The following ARNT2 variants were observed in gnomAD, a reference collection of about 807,000 sequenced individuals.
The protein encoded by ARNT2 is ARNT protein 2.
In ARNT2, 36 loss-of-function variants were observed where a neutral mutation model predicts 91.7. That is an observed-to-expected ratio of 0.39 (90% CI 0.30 to 0.52). The LOEUF (loss-of-function observed/expected upper bound fraction) is 0.52. Ranked by LOEUF, ARNT2 falls within the 20% of genes least tolerant of loss-of-function variation. The pLI is 0.72. For missense variants in ARNT2, 775 were observed against 939.3 expected, an observed-to-expected ratio of 0.83 and a Z score of 2.29; for synonymous variants, 365 against 347.1, an observed-to-expected ratio of 1.05 and a Z score of -0.57.
chr15:80,506,306 T>C (rs1897275757), intron 5 of ARNT2, among the ~76,000 whole-genome samples: 1 of 152,238 alleles, frequency 6.6e-6, no homozygotes, highest in Admixed American at 6.5e-5. Flanking sequence ...CAGGCACCAC[T>C]GCACTGTGGT....
chr15:80,592,968 A>C (rs1459780582), intron 18 of ARNT2, among the ~76,000 whole-genome samples: 1 of 152,218 alleles, frequency 6.6e-6, no homozygotes, highest in Non-Finnish European at 1.5e-5. Context: ...CTTGTTTCCC[A>C]AACTTATTTG....
At chr15:80,579,119 C>G (rs1420916010) in intron 15 of ARNT2, among the ~76,000 whole-genome samples, 1 of 152,230 alleles carries the variant, frequency 6.6e-6, no homozygotes, top group Non-Finnish European at 1.5e-5. Context: ...GAAGCCCATC[C>G]CTTTCTGCCA....
chr15:80,592,250 G>A (rs1208043441), intron 18 of ARNT2, among the ~76,000 whole-genome samples: 1 of 152,200 alleles, frequency 6.6e-6, no homozygotes, highest in African/African-American at 2.4e-5. Flanking sequence ...ACCATCCCTC[G>A]TGTCTAAGGC....
At chr15:80,461,467 A>C (rs1896551645) in intron 3 of ARNT2, among the ~76,000 whole-genome samples, 1 of 152,238 alleles carries the variant, frequency 6.6e-6, no homozygotes, top group African/African-American at 2.4e-5. Flanking sequence ...ATGCGGTCAA[A>C]GAATAGTTCT....
chr15:80,563,174 C>A lies in ARNT2; in HGVS notation c.1251C>A (p.Ser417Arg). The stretch of plus-strand genomic sequence containing the variant: ...AGTGGATGTTGATCCGCACCAGCAG[C>A]TTCACATTCCAGAATCCCTATTCTG... Reference protein sequence around the residue: ...NREWMLIRTSSFTFQNPYSDE... With the variant: ...NREWMLIRTSRFTFQNPYSDE... The change falls in exon 12 of 19, where the codon AGC becomes AGA. Residue 417 changes from serine (S) to arginine (R), a missense_variant. This residue lies in a region of ARNT2 where 285 missense variants were observed against 327.2 expected (regional missense o/e 0.87). Coordinates refer to ENST00000303329, the MANE Select transcript of ARNT2 (RefSeq NM_014862.4). The A allele has an allele frequency of 6.2e-7, 1 of 1,614,226 alleles. No individual in the cohort carries two copies.
At chr15:80,590,686 G>C (rs996549650) in intron 17 of ARNT2, among the ~76,000 whole-genome samples, 1 of 152,242 alleles carries the variant, frequency 6.6e-6, no homozygotes, top group African/African-American at 2.4e-5. Flanking sequence ...AGGCTGAAGT[G>C]AGCCATGATT....
intron 8 of ARNT2, 90 bp from the exon 9 acceptor site, chr15:80,551,109 T>G (rs1017301541): frequency 8.3e-6 from 11 of 1,323,036 alleles, no homozygotes; most frequent in Admixed American, 1.8e-5. Flanking sequence ...TCACTGTATT[T>G]TCGATTGCTT....
At chr15:80,461,043 G>T (rs1896544946) in intron 3 of ARNT2, among the ~76,000 whole-genome samples, 1 of 152,172 alleles carries the variant, frequency 6.6e-6, no homozygotes, top group Admixed American at 6.5e-5. Flanking sequence ...GGTAGGAAAT[G>T]GGGCTGTGTG....
intron 5 of ARNT2, among the ~76,000 whole-genome samples, chr15:80,478,750 C>T (rs1411454885): frequency 1.3e-5 from 2 of 152,224 alleles, no homozygotes; most frequent in Non-Finnish European, 2.9e-5. Flanking sequence ...GCTACTCAGA[C>T]AGGCCTTAGG....
chr15:80,448,870 A>G (rs901922553), intron 1 of ARNT2, among the ~76,000 whole-genome samples: 1 of 152,206 alleles, frequency 6.6e-6, no homozygotes, highest in Non-Finnish European at 1.5e-5. Flanking sequence ...CTGTAGTCCC[A>G]GCTACTCGGG....
At chr15:80,409,074 A>G (rs1895646176) in intron 1 of ARNT2, among the ~76,000 whole-genome samples, 1 of 152,204 alleles carries the variant, frequency 6.6e-6, no homozygotes, top group African/African-American at 2.4e-5. Flanking sequence ...ACAATGACAC[A>G]TCATTATCAC....
intron 6 of ARNT2, 72 bp from the exon 7 acceptor site, chr15:80,513,839 T>G: frequency 7.6e-7 from 1 of 1,311,880 alleles, no homozygotes; most frequent in Non-Finnish European, 1.1e-6. Context: ...CTCATCTACT[T>G]GATGGCAGCA....
intron 8 of ARNT2, among the ~76,000 whole-genome samples, chr15:80,549,350 G>A (rs1026184152): frequency 6.6e-6 from 1 of 151,860 alleles, no homozygotes; most frequent in Admixed American, 6.6e-5. Flanking sequence ...AGACTCCAGA[G>A]GTAAAAAAAG....
intron 5 of ARNT2, among the ~76,000 whole-genome samples, chr15:80,500,320 A>G (rs1358426196): frequency 6.6e-6 from 1 of 152,186 alleles, no homozygotes; most frequent in Admixed American, 6.5e-5. Context: ...TTGGAACCAC[A>G]TCAAATATTG....
At position 80,575,128 on chromosome 15, in the gene ARNT2, A is replaced by C. The variant is rs779284163; in HGVS notation, c.1513+18A>C. ...TAGTGCATGTAAGTTTCCAAATGGT[A>C]CTGAGGTTTTGAGAGTGTGGGTTTA... On this transcript the variant is annotated intron_variant, in intron 14 of 18. Coordinates refer to ENST00000303329, the MANE Select transcript of ARNT2 (RefSeq NM_014862.4). The C allele has an allele frequency of 1.2e-6, 2 of 1,612,628 alleles. No individual in the cohort carries two copies. The highest frequency in any genetic ancestry group is 2.7e-5 in the African/African-American group (2 of 74,892).
chr15:80,417,807 C>T (rs1384748182), intron 1 of ARNT2, among the ~76,000 whole-genome samples: 1 of 152,186 alleles, frequency 6.6e-6, no homozygotes, highest in East Asian at 1.9e-4. Context: ...GAGGTGGCTC[C>T]TCCGTTGGGT....
rs928931573 is a variant in ARNT2 at position 80,552,848 on chromosome 15, G to A, written c.1089+74G>A. ...TTTTTAAAACATTCTTACTTCATTT[G>A]AGATACAACACAATGGCCATGTGGA... On this transcript the variant is annotated intron_variant, in intron 10 of 18. Coordinates refer to ENST00000303329, the MANE Select transcript of ARNT2 (RefSeq NM_014862.4). 9.7e-6 allele frequency: 15 copies of A among 1,542,734 alleles called. No individual in the cohort carries two copies. In the Admixed American group the frequency reaches 2.6e-4, roughly 27 times the overall value.
chr15:80,508,340 G>A (rs1897301344), intron 6 of ARNT2, 82 bp downstream of exon 6: 3 of 1,421,814 alleles, frequency 2.1e-6, no homozygotes, highest in Non-Finnish European at 3.0e-6. Context: ...GACCAGCTCT[G>A]CCGCAGTCAC....
At chr15:80,435,049 C>A (rs550446233) in intron 1 of ARNT2, among the ~76,000 whole-genome samples, 50 of 152,218 alleles carry the variant, frequency 3.3e-4, no homozygotes, top group Non-Finnish European at 5.9e-4. Flanking sequence ...CCCCTCCTAC[C>A]GGTTGTCGCC....
Sources: allele counts gnomAD v4.1 joint callset (sites outside exome capture counted in the v4.1 genomes callset), GRCh38; gene constraint gnomAD v4.1.1; regional missense constraint gnomAD v4.1.1; transcripts MANE v1.5; gene names NCBI Gene and HGNC (gene_info 2026-07-23, HGNC 2026-07-21).